Variants in LMX1B observed in about 807,000 individuals in gnomAD.
LMX1B encodes the protein LIM homeobox transcription factor 1-beta.
In LMX1B, 12 loss-of-function variants were observed where a neutral mutation model predicts 51.4. That is an observed-to-expected ratio of 0.23 (90% CI 0.15 to 0.38). LMX1B has a LOEUF of 0.38. Among genes scored for constraint, LMX1B ranks in the 10% least tolerant of loss-of-function variants. The pLI is 1.00. For missense variants in LMX1B, 445 were observed against 571.1 expected (o/e 0.78, Z 2.25); for synonymous variants, 237 against 235.4 (o/e 1.01, Z -0.06).
intron 6 of LMX1B, among the ~76,000 whole-genome samples, chr9:126,694,390 T>C (rs1219576577): frequency 6.6e-6 from 1 of 152,206 alleles, no homozygotes; most frequent in African/African-American, 2.4e-5. Flanking sequence ...ACTACCCCAC[T>C]GCCGGAATTC....
chr9:126,644,469 C>G (rs148658515), intron 2 of LMX1B, among the ~76,000 whole-genome samples: 1 of 152,122 alleles, frequency 6.6e-6, no homozygotes, highest in South Asian at 2.1e-4. Context: ...TTCTCTAGGA[C>G]GGGGGTAGGG....
At chr9:126,651,984 C>T (rs952252378) in intron 2 of LMX1B, among the ~76,000 whole-genome samples, 4 of 144,142 alleles carry the variant, frequency 2.8e-5, no homozygotes, top group African/African-American at 7.6e-5. Flanking sequence ...CCACAAGCCT[C>T]GGTAGTGGCC....
At chr9:126,676,891 C>T (rs1238335605) in intron 2 of LMX1B, among the ~76,000 whole-genome samples, 1 of 152,152 alleles carries the variant, frequency 6.6e-6, no homozygotes, top group Non-Finnish European at 1.5e-5. Context: ...TGACTGCGGG[C>T]GATTAGCACT....
intron 2 of LMX1B, among the ~76,000 whole-genome samples, chr9:126,657,106 A>T (rs1470985743): frequency 6.6e-6 from 1 of 152,192 alleles, no homozygotes; most frequent in East Asian, 1.9e-4. Context: ...CACTTGTGCA[A>T]TTTTTTCAAT....
intron 2 of LMX1B, among the ~76,000 whole-genome samples, chr9:126,672,083 A>G (rs1372627803): frequency 6.6e-6 from 1 of 152,254 alleles, no homozygotes; most frequent in African/African-American, 2.4e-5. Flanking sequence ...TAGGGAGGCC[A>G]CACCACAAGG....
chr9:126,693,873 G>T, intron 6 of LMX1B, 61 bp downstream of exon 6: 1 of 816,242 alleles, frequency 1.2e-6, no homozygotes, highest in South Asian at 1.5e-5. Flanking sequence ...CCAGGGGTGG[G>T]CCTAGGCCAG....
At chr9:126,649,846 T>C (rs1835967386) in intron 2 of LMX1B, among the ~76,000 whole-genome samples, 1 of 152,174 alleles carries the variant, frequency 6.6e-6, no homozygotes, top group Non-Finnish European at 1.5e-5. Flanking sequence ...CAGGCTAGTC[T>C]CAAACTCCTG....
intron 2 of LMX1B, among the ~76,000 whole-genome samples, chr9:126,659,486 C>T (rs1836187883): frequency 1.3e-5 from 2 of 152,280 alleles, no homozygotes; most frequent in South Asian, 4.1e-4. Flanking sequence ...CATCCAGCCT[C>T]TCCACACATT....
At position 126,614,097 on chromosome 9, in the gene LMX1B, C is replaced by CCCGCCG. The variant is rs1384683660; in HGVS notation, c.-352_-351insCGCCGC. Among the ~76,000 whole-genome samples, 3 of 141,148 alleles carry CCCGCCG rather than the reference C, an allele frequency of 2.1e-5. No homozygotes were observed. The highest frequency in any genetic ancestry group is 2.1e-4 in the East Asian group (1 of 4,664). 92.6% of individuals were successfully genotyped at this position (141,148 alleles called of 152,430 possible). A position where few individuals can be genotyped will look rare whatever the true frequency, so the allele number is the denominator to read the frequency against. ...CCCTGCACCCCCACCCCCTCCCCCG[C>CCCGCCG]CTGCCGCCGCCGCCACCGCCACCGC... On this transcript the variant is annotated 5_prime_UTR_variant, in exon 1 of 8. Coordinates refer to ENST00000373474, the MANE Select transcript of LMX1B (RefSeq NM_001174147.2).
rs557203045 is a variant in LMX1B at position 126,677,875 on chromosome 9, T to C, written c.327-12961T>C. Among the ~76,000 whole-genome samples, 65 of 152,228 alleles carry C rather than the reference T, an allele frequency of 4.3e-4. No homozygotes were observed. The highest frequency in any genetic ancestry group is 1.4e-3 in the African/African-American group (60 of 41,550). On this transcript the variant is annotated intron_variant, in intron 2 of 7. Transcript: ENST00000373474. This position sits in a 1 kb window ranked among gnomAD's most constrained non-coding sequence, Gnocchi z 5.0. ...CCCTCCATGACTGGGCTAACAAAGT[T>C]GGTGCTATCTCTGGCTGCATTAAGA... is the stretch of plus-strand genomic sequence containing the variant.
intron 2 of LMX1B, among the ~76,000 whole-genome samples, chr9:126,656,378 G>T (rs1836114834): frequency 6.9e-6 from 1 of 145,948 alleles, no homozygotes; most frequent in Non-Finnish European, 1.5e-5. Flanking sequence ...AGTGAGATCT[G>T]GTCTTTAGAT....
Position 126,626,646 on chromosome 9 carries a change from A to G in LMX1B, c.326+11077A>G, listed in dbSNP as rs1319860452. Among the ~76,000 whole-genome samples the G allele has an allele frequency of 6.6e-6, 1 of 151,810 alleles. No individual in the cohort carries two copies. Among genetic ancestry groups the G allele is most frequent in the African/African-American group, 2.4e-5 (1 of 41,354 alleles). On this transcript the variant is annotated intron_variant, in intron 2 of 7. Coordinates refer to ENST00000373474, the MANE Select transcript of LMX1B (RefSeq NM_001174147.2). The surrounding 1 kb of genome is among the most constrained non-coding windows in gnomAD (Gnocchi z 4.3). ...TTCTCCCTCGAAACACTTGATACCAACTTTGTTTTTTTGGCAAGAAAAATA... is the reference window on the plus strand; with the variant it reads ...TTCTCCCTCGAAACACTTGATACCAGCTTTGTTTTTTTGGCAAGAAAAATA...
At chr9:126,627,914 T>C (rs1380473924) in intron 2 of LMX1B, among the ~76,000 whole-genome samples, 2 of 152,158 alleles carry the variant, frequency 1.3e-5, no homozygotes, top group Non-Finnish European at 2.9e-5. Flanking sequence ...GACTCTGGCT[T>C]TAACACTGGC....
rs1426377783 is a variant in LMX1B at position 126,698,804 on chromosome 9, G to T, written c.*2353G>T. 6.6e-6 allele frequency: 1 copy of T among 152,406 alleles called. No homozygotes were observed. Among genetic ancestry groups the T allele is most frequent in the Non-Finnish European group, 1.5e-5 (1 of 68,194 alleles). The allele number at this position is 152,406 out of a possible 1,614,324, so 9.4% of individuals were successfully genotyped here. A position where few individuals can be genotyped will look rare whatever the true frequency, so the allele number is the denominator to read the frequency against. Reference sequence around the variant, plus strand: ...TCTGTGGTTTTGCTCCCGTTTGCTGGGAAATTCAGTCCCCCCAGAATGTCC... The same window carrying T: ...TCTGTGGTTTTGCTCCCGTTTGCTGTGAAATTCAGTCCCCCCAGAATGTCC... On this transcript the variant is annotated 3_prime_UTR_variant, in exon 8 of 8. Transcript: ENST00000373474.
At chr9:126,678,335 A>ACC (rs796867105) in intron 2 of LMX1B, among the ~76,000 whole-genome samples, 21 of 141,356 alleles carry the variant, frequency 1.5e-4, no homozygotes, top group African/African-American at 5.6e-4. Flanking sequence ...AAAACAAAAA[A>ACC]AAAAAACAAA....
chr9:126,631,524 G>A (rs1835637762), intron 2 of LMX1B, among the ~76,000 whole-genome samples: 1 of 152,112 alleles, frequency 6.6e-6, no homozygotes, highest in South Asian at 2.1e-4. Flanking sequence ...GCCGGGATGG[G>A]GCAGGCCTAT....
chr9:126,679,104 C>G (rs1306121679), intron 2 of LMX1B, among the ~76,000 whole-genome samples: 4 of 152,186 alleles, frequency 2.6e-5, no homozygotes, highest in Non-Finnish European at 4.4e-5. Context: ...TACCAGGAGC[C>G]CCCTGAAGAC....
intron 2 of LMX1B, among the ~76,000 whole-genome samples, chr9:126,624,773 G>C (rs1366586075): frequency 6.6e-6 from 1 of 151,704 alleles, no homozygotes; most frequent in Non-Finnish European, 1.5e-5. Flanking sequence ...AACAAAGACA[G>C]TTTAGGGGGA....
intron 1 of LMX1B, among the ~76,000 whole-genome samples, chr9:126,614,947 A>T (rs1041117269): frequency 3.9e-5 from 6 of 152,100 alleles, no homozygotes; most frequent in Admixed American, 1.3e-4. Flanking sequence ...TTCTAAGAGA[A>T]AAACGTCTCC....
Sources: gnomAD v4.1 joint callset for allele counts (sites outside exome capture counted in the v4.1 genomes callset) on GRCh38, gnomAD v4.1.1 for gene constraint, Gnocchi (gnomAD v3.1) non-coding constraint, MANE v1.5 for transcripts, NCBI Gene and HGNC (gene_info 2026-07-23, HGNC 2026-07-21) for gene names.